Variants in NCKAP5 observed in about 807,000 individuals in gnomAD.
NCKAP5 encodes the protein NCK associated protein 5.
NCKAP5 carries 92 observed loss-of-function variants against 167.0 expected under a neutral mutation model. That is an observed-to-expected ratio of 0.55 (90% CI 0.47 to 0.66). The LOEUF (loss-of-function observed/expected upper bound fraction) is 0.66, where lower values mean the gene tolerates loss of function less well. NCKAP5 is among the 30% of genes least tolerant of loss of function. The probability of loss-of-function intolerance (pLI) is 0.00; values close to 1 mark genes in which losing one functional copy is unlikely to be tolerated. For missense variants in NCKAP5, 2,378 were observed against 2,315.0 expected, an observed-to-expected ratio of 1.03 and a Z score of -0.56; for synonymous variants, 891 against 877.4, an observed-to-expected ratio of 1.02 and a Z score of -0.27.
the NCKAP5 span, among the ~76,000 whole-genome samples, chr2:133,578,146 T>C: frequency 1.3e-5 from 2 of 152,196 alleles, no homozygotes; most frequent in Non-Finnish European, 2.9e-5. Context: ...TAATGGTCCC[T>C]CCCATGTAAA....
Position 133,513,543 on chromosome 2 carries a change from C to T in NCKAP5, c.69+3915G>A, listed in dbSNP as rs117425391. 4.1e-4 allele frequency among the ~76,000 whole-genome samples: 63 copies of T among 152,318 alleles called. 1 individual carries two copies. The East Asian group carries it at 0.011, about 26-fold the overall frequency. ...AAATGGAAACCATCCAGCACATCCC[C>T]ATAGCTGGTTTTCAATAGTGCTTGT... On this transcript the variant is annotated intron_variant, in intron 3 of 19. Transcript: ENST00000409261.
At chr2:133,495,139 C>T (rs1431588566) in intron 3 of NCKAP5, among the ~76,000 whole-genome samples, 1 of 152,126 alleles carries the variant, frequency 6.6e-6, no homozygotes, top group Non-Finnish European at 1.5e-5. Context: ...TTGAGTTGTC[C>T]TGCCTTTCTG....
At chr2:133,237,523 C>G (rs1049159253) in intron 4 of NCKAP5, among the ~76,000 whole-genome samples, 6 of 152,164 alleles carry the variant, frequency 3.9e-5, no homozygotes, top group Non-Finnish European at 7.3e-5. Flanking sequence ...ATTCCACACA[C>G]ACTTATTGAG....
chr2:133,603,290 A>C, the NCKAP5 span, among the ~76,000 whole-genome samples: 1 of 148,350 alleles, frequency 6.7e-6, no homozygotes, highest in Admixed American at 6.8e-5. Flanking sequence ...GCGATGGCGC[A>C]ATCTCAAATC....
intron 11 of NCKAP5, among the ~76,000 whole-genome samples, chr2:132,825,242 T>C (rs560136427): frequency 1.3e-5 from 2 of 152,174 alleles, no homozygotes; most frequent in Non-Finnish European, 2.9e-5. Context: ...GGTGAGTGGC[T>C]AATGAAACAT....
chr2:133,062,757 T>G (rs998507599), intron 6 of NCKAP5, among the ~76,000 whole-genome samples: 4 of 152,344 alleles, frequency 2.6e-5, no homozygotes, highest in African/African-American at 9.6e-5. Context: ...CAAAGTTAGA[T>G]TAATTAAAAT....
chr2:133,174,451 C>T (rs2084372672), intron 5 of NCKAP5, among the ~76,000 whole-genome samples: 1 of 152,100 alleles, frequency 6.6e-6, no homozygotes, highest in African/African-American at 2.4e-5. Flanking sequence ...TAGGCAAATT[C>T]TATTATTCCT....
In NCKAP5 at chr2:133,464,497, G is replaced by A. The variant is rs563527834; in HGVS notation, c.69+52961C>T. Among the ~76,000 whole-genome samples, 28 of 152,236 alleles carry A rather than the reference G, an allele frequency of 1.8e-4. No individual in the cohort carries two copies. In the Middle Eastern group the frequency reaches 0.01, roughly 55 times the overall value. On this transcript the variant is annotated intron_variant, in intron 3 of 19. Coordinates refer to ENST00000409261, the MANE Select transcript of NCKAP5 (RefSeq NM_207363.3). ...GAGGTCAGGAGATTGAGACCATCCC[G>A]GCTAACACGGTGAAACCCAGTCTCT... is the stretch of plus-strand genomic sequence containing the variant.
intron 10 of NCKAP5, among the ~76,000 whole-genome samples, chr2:132,862,590 A>G (rs1230702874): frequency 6.6e-6 from 1 of 151,962 alleles, no homozygotes; most frequent in Non-Finnish European, 1.5e-5. Context: ...ACATGGCAAA[A>G]CCCCATCTTT....
At chr2:132,946,408 T>C (rs888176036) in intron 8 of NCKAP5, among the ~76,000 whole-genome samples, 1 of 152,152 alleles carries the variant, frequency 6.6e-6, no homozygotes, top group African/African-American at 2.4e-5. Flanking sequence ...GTTTTGCTGG[T>C]CTTTGGAATT....
chr2:133,066,778 C>G (rs1290774401), intron 6 of NCKAP5, among the ~76,000 whole-genome samples: 2 of 151,932 alleles, frequency 1.3e-5, no homozygotes, highest in Non-Finnish European at 2.9e-5. Flanking sequence ...TAGGGAAAGT[C>G]AGTAGGGAAA....
Position 133,489,006 on chromosome 2 carries a change from T to C in NCKAP5, c.69+28452A>G, listed in dbSNP as rs141690339. ...TGGGGAGCTAAGGCAGGAGGATCAT[T>C]TGAGACTAGGAGTTTGAGGCTGCAG... is the stretch of plus-strand genomic sequence containing the variant. On this transcript the variant is annotated intron_variant, in intron 3 of 19. Transcript: ENST00000409261. 2.6e-4 allele frequency among the ~76,000 whole-genome samples: 40 copies of C among 152,268 alleles called. No individual in the cohort carries two copies. The Middle Eastern group carries it at 0.014, about 52-fold the overall frequency.
At chr2:132,709,026 A>T (rs1440792280) in intron 19 of NCKAP5, among the ~76,000 whole-genome samples, 1 of 152,148 alleles carries the variant, frequency 6.6e-6, no homozygotes, top group African/African-American at 2.4e-5. Context: ...TGTTATATAA[A>T]AATGCAATTA....
chr2:132,718,426 G>A (rs1289161483), intron 19 of NCKAP5, among the ~76,000 whole-genome samples: 1 of 152,212 alleles, frequency 6.6e-6, no homozygotes, highest in African/African-American at 2.4e-5. Context: ...CTCTGTGACA[G>A]TAATTCCCAA....
chr2:133,517,461 A>G lies in NCKAP5; in HGVS notation c.66T>C (p.Leu22=), dbSNP rs1019927211. The G allele has an allele frequency of 1.3e-6, 2 of 1,504,662 alleles. No homozygotes were observed. Among genetic ancestry groups the G allele is most frequent in the Admixed American group, 4.4e-5 (2 of 45,212 alleles). The allele number at this position is 1,504,662 out of a possible 1,614,324, so 93.2% of individuals were successfully genotyped here. A position where few individuals can be genotyped will look rare whatever the true frequency, so the allele number is the denominator to read the frequency against. The change falls in exon 3 of 20, where the codon CTT becomes CTC. Residue 22 remains leucine, a synonymous_variant. Transcript: ENST00000409261. ...FGKRLSLDSS[L]VEYMDSNKYI... ...TAAATGAATATTTAGTACTTACCACAAGACTGCTGTCTAGAGACAGCCTTT... is the reference window on the plus strand; with the variant it reads ...TAAATGAATATTTAGTACTTACCACGAGACTGCTGTCTAGAGACAGCCTTT...
intron 3 of NCKAP5, among the ~76,000 whole-genome samples, chr2:133,462,165 T>C (rs547820670): frequency 6.6e-6 from 1 of 152,330 alleles, no homozygotes; most frequent in Admixed American, 6.5e-5. Context: ...ATAGGCAAGT[T>C]TCCTTGTTGG....
At chr2:133,142,662 A>G (rs1288139272) in intron 5 of NCKAP5, among the ~76,000 whole-genome samples, 1 of 152,134 alleles carries the variant, frequency 6.6e-6, no homozygotes. Context: ...TAGAGGTCTT[A>G]TGATCAAAGG....
intron 11 of NCKAP5, among the ~76,000 whole-genome samples, chr2:132,800,783 C>A (rs1684965538): frequency 6.6e-6 from 1 of 152,136 alleles, no homozygotes; most frequent in Non-Finnish European, 1.5e-5. Flanking sequence ...TCATTTTGGT[C>A]CTTTATCCAA....
At chr2:132,741,710 A>G (rs748265701) in intron 16 of NCKAP5, among the ~76,000 whole-genome samples, 8 of 152,144 alleles carry the variant, frequency 5.3e-5, no homozygotes, top group Non-Finnish European at 8.8e-5. Context: ...TAGAGTGCCA[A>G]ATAAATGTAG....
Sources: allele counts gnomAD v4.1 joint callset (sites outside exome capture counted in the v4.1 genomes callset), GRCh38; gene constraint gnomAD v4.1.1; transcripts MANE v1.5; gene names NCBI Gene and HGNC (gene_info 2026-07-23, HGNC 2026-07-21).